MED16: variants seen among roughly 807,000 people sequenced by gnomAD.
MED16 encodes mediator of RNA polymerase II transcription subunit 16.
A neutral mutation model predicts 84.4 loss-of-function variants in MED16; 81 were observed. The observed-to-expected ratio is 0.96, with a 90% CI of 0.80 to 1.15. MED16 has a LOEUF of 1.15. MED16 is among the 50% of genes most tolerant of loss of function. The pLI, the probability that MED16 is intolerant of heterozygous loss-of-function variation, is 0.00. For synonymous variants in MED16, 897 were observed against 552.2 expected, an observed-to-expected ratio of 1.62 and a Z score of -8.76; for missense variants, 1,585 against 1,245.9, an observed-to-expected ratio of 1.27 and a Z score of -4.10.
intron 10 of MED16, among the ~76,000 whole-genome samples, chr19:874,406 A>C (rs1195267177): frequency 6.6e-6 from 1 of 152,072 alleles, no homozygotes; most frequent in African/African-American, 2.4e-5. Context: ...CGCCACGCCC[A>C]GCAACCCTAA....
At position 885,802 on chromosome 19, in the gene MED16, G is replaced by A. The variant is rs1220408167; in HGVS notation, c.847C>T (p.Leu283Phe). The A allele has an allele frequency of 6.8e-6, 11 of 1,612,258 alleles. No individual in the cohort carries two copies. Among genetic ancestry groups the A allele is most frequent in the East Asian group, 2.2e-5 (1 of 44,854 alleles). The change falls in exon 5 of 16, where the codon CTC (leucine) becomes TTC (phenylalanine). Residue 283 changes from leucine (L) to phenylalanine (F), a missense_variant. By Grantham distance (22) the Leu-to-Phe change is conservative. Coordinates refer to ENST00000325464, the MANE Select transcript of MED16 (RefSeq NM_005481.3). ...RKDKFPAITH[L>F]KFLARDMSEQ... ...GACATGTCCCGGGCCAGGAACTTGAGGTGGGTGATGGCGGGAAACTTGTCC... is the reference window on the plus strand; with the variant it reads ...GACATGTCCCGGGCCAGGAACTTGAAGTGGGTGATGGCGGGAAACTTGTCC...
rs2036425598 is a variant in MED16, at chr19:881,693, A to C, written c.1007T>G (p.Ile336Ser). 1 of 1,611,306 alleles carries C rather than the reference A, an allele frequency of 6.2e-7. No homozygotes were observed. The highest frequency in any genetic ancestry group is 1.3e-5 in the African/African-American group (1 of 74,902). The change falls in exon 7 of 16, where the codon ATT (isoleucine) becomes AGT (serine). Residue 336 changes from isoleucine (I) to serine (S), a missense_variant. By Grantham distance (142) the Ile-to-Ser change is moderately radical. Transcript: ENST00000325464. ...SPVVGDKQPT[I>S]LKWRILSATN... The stretch of plus-strand genomic sequence containing the variant: ...GGCCGATAGGATCCGCCATTTGAGA[A>C]TTGTGGGCTGTTTGTCGCCAACTGA...
In MED16 at chr19:871,059, G is replaced by A. The variant is rs1471833011; in HGVS notation, c.2293C>T (p.Leu765=). ...CACCTGGCGAGGCCGTCGAGCTGCA[G>A]GGTGGCAGCACTGCCAGGCAGCGTG... The part of the protein sequence containing the change: ...APTLPGSAAT[L]QLDGLARAPG... Residue 765 remains leucine (L), a synonymous_variant, in exon 13 of 16, where the codon CTG becomes TTG. Transcript: ENST00000325464. 7.8e-6 allele frequency: 12 copies of A among 1,544,872 alleles called. No homozygotes were observed. Among genetic ancestry groups the A allele is most frequent in the African/African-American group, 4.1e-5 (3 of 73,004 alleles).
intron 4 of MED16, among the ~76,000 whole-genome samples, chr19:887,776 C>T (rs539901035): frequency 1.4e-4 from 21 of 152,168 alleles, no homozygotes; most frequent in South Asian, 8.3e-4. Context: ...CAGAAGGCTA[C>T]GCAGTGTGTG....
chr19:873,622 T>C lies in MED16; in HGVS notation c.1772-40A>G, dbSNP rs370863921. The C allele has an allele frequency of 8.7e-6, 14 of 1,607,874 alleles. No individual in the cohort carries two copies. In the South Asian group the frequency reaches 1.1e-4, roughly 13 times the overall value. On this transcript the variant is annotated intron_variant, in intron 10 of 15. Transcript: ENST00000325464. Reference sequence around the variant, plus strand: ...GGGTCGGGTCAGCTCGGGCCTCTTGTACACACAGGGTGACCTAACTGCACC... The same window carrying C: ...GGGTCGGGTCAGCTCGGGCCTCTTGCACACACAGGGTGACCTAACTGCACC...
chr19:868,276 G>C, intron 15 of MED16, 25 bp from the exon 16 acceptor site: 1 of 1,588,666 alleles, frequency 6.3e-7, no homozygotes, highest in Non-Finnish European at 8.5e-7. Context: ...GAGGTTAACC[G>C]CGCCGAGGAG....
At chr19:879,841 C>A (rs1278130647) in intron 8 of MED16, 96 bp downstream of exon 8, 1 of 1,147,660 alleles carries the variant, frequency 8.7e-7, no homozygotes, top group African/African-American at 1.6e-5. Context: ...CGTGCCCCAG[C>A]AGCTCACCTT....
In MED16 at chr19:869,082, G is replaced by A. The variant is rs531740837; in HGVS notation, c.2316-136C>T. 2.5e-3 allele frequency: 1,911 copies of A among 751,650 alleles called. 7 individuals are homozygous for A. Among genetic ancestry groups the A allele is most frequent in the Non-Finnish European group, 3.2e-3 (1,522 of 483,138 alleles). 46.6% of individuals were successfully genotyped at this position (751,650 alleles called of 1,614,324 possible). A position where few individuals can be genotyped will look rare whatever the true frequency, so the allele number is the denominator to read the frequency against. On this transcript the variant is annotated intron_variant, in intron 13 of 15. Transcript: ENST00000325464. ...CTGCCAGGTGGGCCCAGATGTCTGT[G>A]AACAGTGAGGTGGGAGGTGCGGGAC... is the stretch of plus-strand genomic sequence containing the variant.
intron 7 of MED16, 95 bp from the exon 8 acceptor site, chr19:880,243 G>A: frequency 9.7e-6 from 12 of 1,235,990 alleles, no homozygotes; most frequent in Middle Eastern, 2.8e-4. Flanking sequence ...GAGAGCCGGG[G>A]CTGCCCATCC....
rs76711088 is a variant in MED16, at chr19:871,651, C to A, written c.2098+275G>T. The A allele has an allele frequency of 1.5e-3, 2,348 of 1,589,366 alleles. 33 individuals carry two copies. In the African/African-American group the frequency reaches 0.028, roughly 19 times the overall value. ...AAAAGCACCCACACAGAGCATGGACCTGTGCTAGGAACTGGGGAAATAGCA... is the reference window on the plus strand; with the variant it reads ...AAAAGCACCCACACAGAGCATGGACATGTGCTAGGAACTGGGGAAATAGCA... On this transcript the variant is annotated intron_variant, in intron 12 of 15. Coordinates refer to ENST00000325464, the MANE Select transcript of MED16 (RefSeq NM_005481.3).
chr19:889,429 C>T (rs900812122), intron 4 of MED16, among the ~76,000 whole-genome samples: 2 of 152,104 alleles, frequency 1.3e-5, no homozygotes, highest in African/African-American at 4.8e-5. Context: ...AGCCAGACTG[C>T]AGGTGGGGGC....
chr19:878,384 G>A (rs375959079), intron 8 of MED16, among the ~76,000 whole-genome samples: 4 of 57,872 alleles, frequency 6.9e-5, no homozygotes, highest in Non-Finnish European at 9.0e-5. Flanking sequence ...CCAGCCCCAC[G>A]TGCCCCAGCA....
At chr19:886,354 A>C (rs1409566570) in intron 4 of MED16, among the ~76,000 whole-genome samples, 153 bp from the exon 5 acceptor site, 1 of 152,122 alleles carries the variant, frequency 6.6e-6, no homozygotes, top group Non-Finnish European at 1.5e-5. Flanking sequence ...GCCGTGTGGG[A>C]TGTGATCCCC....
chr19:882,067 G>A (rs561691924), intron 6 of MED16, among the ~76,000 whole-genome samples: 11 of 152,302 alleles, frequency 7.2e-5, no homozygotes, highest in East Asian at 1.9e-4. Context: ...CAGCTCAGCC[G>A]GGATTCCCAT....
intron 11 of MED16, among the ~76,000 whole-genome samples, chr19:872,750 A>G (rs1020691141): frequency 6.6e-6 from 1 of 151,224 alleles, no homozygotes; most frequent in Non-Finnish European, 1.5e-5. Flanking sequence ...AAGGCCGCCC[A>G]CCCCAGGCGC....
intron 6 of MED16, among the ~76,000 whole-genome samples, chr19:884,673 C>T (rs2036488963): frequency 1.3e-5 from 2 of 152,166 alleles, no homozygotes; most frequent in Admixed American, 1.3e-4. Context: ...TGGCAGCCGC[C>T]GCAGCGGGCG....
intron 10 of MED16, among the ~76,000 whole-genome samples, chr19:874,819 G>A (rs2036189771): frequency 6.6e-6 from 1 of 152,052 alleles, no homozygotes; most frequent in South Asian, 2.1e-4. Context: ...GCGCTGAGCT[G>A]GGACTGCGTC....
chr19:873,263 G>A (rs1305546459), intron 11 of MED16, among the ~76,000 whole-genome samples, 186 bp downstream of exon 11: 1 of 141,612 alleles, frequency 7.1e-6, no homozygotes, highest in African/African-American at 2.6e-5. Flanking sequence ...TCCAACCAGG[G>A]GCGGGGCTGA....
At chr19:878,907 A>G (rs2036337767) in intron 8 of MED16, among the ~76,000 whole-genome samples, 1 of 120,332 alleles carries the variant, frequency 8.3e-6, no homozygotes, top group African/African-American at 3.3e-5. Flanking sequence ...CTGGTTGTCA[A>G]TGTCCACCAG....
Sources: gnomAD v4.1 joint callset for allele counts (sites outside exome capture counted in the v4.1 genomes callset) on GRCh38, gnomAD v4.1.1 for gene constraint, MANE v1.5 for transcripts, NCBI Gene and HGNC (gene_info 2026-07-23, HGNC 2026-07-21) for gene names.